KITLG: variants seen among roughly 807,000 people sequenced by gnomAD.
KITLG encodes c-Kit ligand.
A neutral mutation model predicts 34.1 loss-of-function variants in KITLG; 13 were observed. The ratio of observed to expected loss-of-function variants is 0.38; its 90% CI spans 0.25 to 0.61. The LOEUF (loss-of-function observed/expected upper bound fraction) is 0.61, where lower values mean the gene tolerates loss of function less well. KITLG is among the 20% of genes least tolerant of loss of function. The probability of loss-of-function intolerance (pLI) is 0.60; values close to 1 mark genes in which losing one functional copy is unlikely to be tolerated. For synonymous variants in KITLG, 110 were observed against 104.0 expected (o/e 1.06, Z -0.35); for missense variants, 292 against 318.9 (o/e 0.92, Z 0.64).
At chr12:88,498,631 T>C (rs1051620820) in intron 9 of KITLG, among the ~76,000 whole-genome samples, 2 of 152,120 alleles carry the variant, frequency 1.3e-5, no homozygotes, top group African/African-American at 4.8e-5. Flanking sequence ...TCCCAGCACT[T>C]TGAGAGGCTG....
chr12:88,575,602 C>T (rs768222919), intron 1 of KITLG, among the ~76,000 whole-genome samples: 12 of 152,126 alleles, frequency 7.9e-5, no homozygotes, highest in Non-Finnish European at 1.5e-4. Flanking sequence ...AGAGCCTATA[C>T]AAAACAACCC....
intron 1 of KITLG, among the ~76,000 whole-genome samples, chr12:88,564,742 T>A (rs75618802): frequency 1.3e-5 from 2 of 149,022 alleles, no homozygotes; most frequent in Non-Finnish European, 1.5e-5. Context: ...CTTACCTGAT[T>A]AAAAAAAAAA....
At chr12:88,523,844 C>T (rs1869769296) in intron 3 of KITLG, among the ~76,000 whole-genome samples, 1 of 152,176 alleles carries the variant, frequency 6.6e-6, no homozygotes, top group Admixed American at 6.5e-5. Context: ...CTTCAGTGTT[C>T]ACTTTAGGCA....
At chr12:88,507,712 C>T (rs1432268373) in intron 6 of KITLG, among the ~76,000 whole-genome samples, 1 of 152,104 alleles carries the variant, frequency 6.6e-6, no homozygotes, top group Non-Finnish European at 1.5e-5. Flanking sequence ...GTGCAACGGA[C>T]TAAGAGTTTG....
intron 9 of KITLG, among the ~76,000 whole-genome samples, chr12:88,503,006 G>A (rs185484851): frequency 9.9e-5 from 15 of 152,094 alleles, no homozygotes; most frequent in East Asian, 9.7e-4. Context: ...ATATTGCTTC[G>A]GAAAATAAAA....
intron 1 of KITLG, chr12:88,579,982 G>T: frequency 1.7e-6 from 1 of 580,932 alleles, no homozygotes. Context: ...CTTTCCACCA[G>T]ACGGGAATTA....
chr12:88,512,039 C>A (rs948158040), intron 6 of KITLG, among the ~76,000 whole-genome samples: 42 of 152,056 alleles, frequency 2.8e-4, no homozygotes, highest in African/African-American at 9.7e-4. Context: ...GGAAATGTGA[C>A]CCCTAATCAG....
chr12:88,555,087 A>G (rs1019639779), intron 1 of KITLG, among the ~76,000 whole-genome samples: 2 of 152,198 alleles, frequency 1.3e-5, no homozygotes, highest in East Asian at 1.9e-4. Context: ...AAAAAAAACT[A>G]GAAAGAAGTT....
intron 1 of KITLG, among the ~76,000 whole-genome samples, chr12:88,568,995 C>CT (rs1871549817): frequency 1.3e-5 from 2 of 152,126 alleles, no homozygotes; most frequent in African/African-American, 4.8e-5. Flanking sequence ...AATCTATATG[C>CT]TTTTGACACA....
At chr12:88,529,153 T>TA (rs915372241) in intron 3 of KITLG, among the ~76,000 whole-genome samples, 16 of 152,060 alleles carry the variant, frequency 1.1e-4, no homozygotes, top group Non-Finnish European at 1.5e-5. Context: ...TAGCTAAAAA[T>TA]AAAAAAATTT....
chr12:88,516,840 GAA>G (rs201320418), intron 4 of KITLG, among the ~76,000 whole-genome samples: 3 of 86,250 alleles, frequency 3.5e-5, no homozygotes, highest in Non-Finnish European at 2.4e-5. Context: ...CCAGTCTTTA[GAA>G]AAAAAAAAAA....
At position 88,568,187 on chromosome 12, in the gene KITLG, T is replaced by A. The variant is rs1329591591; in HGVS notation, c.15+12077A>T. ...ACAGAGCAGACAGTCTAATACATAC[T>A]GATGTGTCTGCTGGCATAATCCATT... On this transcript the variant is annotated intron_variant, in intron 1 of 9. Transcript: ENST00000644744. Among the ~76,000 whole-genome samples, 3 of 152,280 alleles carry A rather than the reference T, an allele frequency of 2.0e-5. No individual in the cohort carries two copies. The East Asian group carries it at 5.8e-4, about 29-fold the overall frequency.
At chr12:88,560,355 A>G (rs1871255391) in intron 1 of KITLG, among the ~76,000 whole-genome samples, 1 of 152,242 alleles carries the variant, frequency 6.6e-6, no homozygotes, top group South Asian at 2.1e-4. Context: ...CTAACAGTAA[A>G]TGACTATACA....
intron 9 of KITLG, among the ~76,000 whole-genome samples, chr12:88,499,613 C>T (rs1249934314): frequency 2.0e-5 from 3 of 152,134 alleles, no homozygotes; most frequent in Non-Finnish European, 4.4e-5. Context: ...ACATATTTGG[C>T]CACTGGTTAG....
At chr12:88,578,393 G>GT (rs1387131278) in intron 1 of KITLG, among the ~76,000 whole-genome samples, 1 of 152,172 alleles carries the variant, frequency 6.6e-6, no homozygotes, top group Non-Finnish European at 1.5e-5. Context: ...CTTGTGTGAT[G>GT]TGTGACCGAA....
At chr12:88,566,910 T>A (rs1303738431) in intron 1 of KITLG, among the ~76,000 whole-genome samples, 1 of 152,188 alleles carries the variant, frequency 6.6e-6, no homozygotes, top group East Asian at 1.9e-4. Context: ...TGCATAGCAA[T>A]ACAGTACCAC....
chr12:88,561,660 C>G (rs978840744), intron 1 of KITLG, among the ~76,000 whole-genome samples: 1 of 152,218 alleles, frequency 6.6e-6, no homozygotes, highest in Non-Finnish European at 1.5e-5. Flanking sequence ...CAGTAAGACT[C>G]CAACTCCTAA....
At chr12:88,526,032 C>A (rs143179795) in intron 3 of KITLG, among the ~76,000 whole-genome samples, 3 of 152,022 alleles carry the variant, frequency 2.0e-5, no homozygotes, top group African/African-American at 7.2e-5. Flanking sequence ...TGAGAACAGG[C>A]GCATTATTTT....
intron 9 of KITLG, among the ~76,000 whole-genome samples, chr12:88,497,945 G>A (rs1006578577): frequency 1.3e-5 from 2 of 152,208 alleles, no homozygotes; most frequent in Non-Finnish European, 2.9e-5. Context: ...TCCCAACAAA[G>A]TTCTGGGGAA....
Sources: allele counts gnomAD v4.1 joint callset (sites outside exome capture counted in the v4.1 genomes callset), GRCh38; gene constraint gnomAD v4.1.1; transcripts MANE v1.5; gene names NCBI Gene and HGNC (gene_info 2026-07-23, HGNC 2026-07-21).